Variants in LOC128462377 observed in about 807,000 individuals in gnomAD.
At chr16:89,326,386 C>A in the LOC128462377 span, among the ~76,000 whole-genome samples, 4,901 of 151,998 alleles carry the variant, frequency 0.032, 281 homozygotes, top group African/African-American at 0.11. Context: ...CCGCCCCCCC[C>A]ACCCCGCTGC....
chr16:89,347,020 T>C, the LOC128462377 span, among the ~76,000 whole-genome samples: 6 of 151,754 alleles, frequency 4.0e-5, no homozygotes, highest in Non-Finnish European at 8.8e-5. Flanking sequence ...ATCCCCAAGG[T>C]TGGTCAGTAG....
At chr16:89,366,638 C>T in the LOC128462377 span, among the ~76,000 whole-genome samples, 3 of 152,200 alleles carry the variant, frequency 2.0e-5, no homozygotes, top group Admixed American at 6.5e-5. Flanking sequence ...CCTTGGCTAA[C>T]CCGAGCTGTT....
the LOC128462377 span, among the ~76,000 whole-genome samples, chr16:89,384,529 G>T: frequency 7.6e-6 from 1 of 131,796 alleles, no homozygotes; most frequent in South Asian, 2.4e-4. Context: ...GGAACAGGAT[G>T]GGATGGGACT....
the LOC128462377 span, among the ~76,000 whole-genome samples, chr16:89,366,129 C>CAAAAAAAAAAAAA: frequency 1.7e-5 from 1 of 60,444 alleles, no homozygotes; most frequent in African/African-American, 6.2e-5. Flanking sequence ...GACTCCATCT[C>CAAAAAAAAAAAAA]AAAAAAAAAA....
chr16:89,324,464 T>C, the LOC128462377 span: 1 of 457,542 alleles, frequency 2.2e-6, no homozygotes, highest in Non-Finnish European at 4.4e-6. Context: ...GAGTTTCAAC[T>C]TGACTGGACT....
the LOC128462377 span, among the ~76,000 whole-genome samples, chr16:89,369,808 T>C: frequency 6.6e-6 from 1 of 152,186 alleles, no homozygotes; most frequent in Non-Finnish European, 1.5e-5. Context: ...CTAGGGGTGA[T>C]ACTGTTCAGT....
chr16:89,411,576 G>A, the LOC128462377 span, among the ~76,000 whole-genome samples: 8 of 152,044 alleles, frequency 5.3e-5, no homozygotes, highest in Non-Finnish European at 8.8e-5. Flanking sequence ...ACCACGCCTG[G>A]CTAATTTTTG....
chr16:89,351,524 T>A, the LOC128462377 span, among the ~76,000 whole-genome samples: 1 of 152,216 alleles, frequency 6.6e-6, no homozygotes, highest in African/African-American at 2.4e-5. Context: ...AGCGAACTTT[T>A]TCAAGAAAAC....
chr16:89,377,455 A>C, the LOC128462377 span, among the ~76,000 whole-genome samples: 3 of 149,046 alleles, frequency 2.0e-5, no homozygotes, highest in African/African-American at 7.5e-5. Context: ...GATCATGAAG[A>C]GACTGCGGAC....
chr16:89,348,068 G>C, the LOC128462377 span, among the ~76,000 whole-genome samples: 5 of 151,872 alleles, frequency 3.3e-5, 1 homozygote, highest in African/African-American at 1.2e-4. Flanking sequence ...AGGGTAACTG[G>C]GACTACAGGC....
At chr16:89,400,894 C>G in the LOC128462377 span, among the ~76,000 whole-genome samples, 1 of 152,116 alleles carries the variant, frequency 6.6e-6, no homozygotes, top group East Asian at 1.9e-4. Flanking sequence ...ACGCCTGTCG[C>G]CCTCCACCCT....
chr16:89,416,487 T>C, the LOC128462377 span, among the ~76,000 whole-genome samples: 2 of 152,162 alleles, frequency 1.3e-5, no homozygotes, highest in African/African-American at 4.8e-5. Flanking sequence ...TTAATAGAGA[T>C]GGGGTTTCAC....
chr16:89,330,855 T>C, the LOC128462377 span, among the ~76,000 whole-genome samples: 1 of 152,192 alleles, frequency 6.6e-6, no homozygotes, highest in Non-Finnish European at 1.5e-5. Context: ...CTTCCCCCAG[T>C]GGCTTTTGAT....
chr16:89,329,056 G>T, the LOC128462377 span: 31 of 152,996 alleles, frequency 2.0e-4, no homozygotes, highest in African/African-American at 7.0e-4. Context: ...CCAGGAGCAC[G>T]GGCGAATCAG....
the LOC128462377 span, chr16:89,392,592 G>A: frequency 6.6e-6 from 1 of 151,808 alleles, no homozygotes; most frequent in Non-Finnish European, 1.5e-5. Context: ...GTGATGTGTT[G>A]AAGCAGACCT....
chr16:89,395,570 C>G, the LOC128462377 span: 8 of 152,228 alleles, frequency 5.3e-5, no homozygotes, highest in African/African-American at 1.9e-4. Context: ...ACCAATGGGC[C>G]ATCACATTGG....
chr16:89,392,313 G>C, the LOC128462377 span: 1 of 152,360 alleles, frequency 6.6e-6, no homozygotes, highest in Non-Finnish European at 1.5e-5. Context: ...ACGGCACCAG[G>C]GAGCAAGCAT....
chr16:89,324,543 G>A, the LOC128462377 span: 1 of 456,038 alleles, frequency 2.2e-6, no homozygotes, highest in South Asian at 1.5e-5. Context: ...TTGAGTCAGT[G>A]GACGGGGAGA....
chr16:89,381,666 A>C, the LOC128462377 span, among the ~76,000 whole-genome samples: 1 of 152,068 alleles, frequency 6.6e-6, no homozygotes, highest in African/African-American at 2.4e-5. Flanking sequence ...CATCACAGAA[A>C]CCCACCTTCA....
Sources: gnomAD v4.1 joint callset for allele counts (sites outside exome capture counted in the v4.1 genomes callset) on GRCh38, gnomAD v4.1.1 for gene constraint, MANE v1.5 for transcripts.